The following USP32 variants were observed in gnomAD, a reference collection of about 807,000 sequenced individuals.
USP32 encodes the protein ubiquitin specific peptidase 32, also known as ubiquitin carboxyl-terminal hydrolase 32.
In USP32, 59 loss-of-function variants were observed where a neutral mutation model predicts 204.8. That is an observed-to-expected ratio of 0.29 (90% CI 0.23 to 0.36). The LOEUF is 0.36. Among genes scored for constraint, USP32 ranks in the 10% least tolerant of loss-of-function variants. USP32 has a pLI of 1.00. For synonymous variants in USP32, 517 were observed against 678.4 expected, an observed-to-expected ratio of 0.76 and a Z score of 3.70; for missense variants, 1,160 against 1,946.4, an observed-to-expected ratio of 0.60 and a Z score of 7.60.
chr17:60,295,527 T>A (rs1283649368), intron 3 of USP32, among the ~76,000 whole-genome samples: 1 of 152,220 alleles, frequency 6.6e-6, no homozygotes, highest in African/African-American at 2.4e-5. Flanking sequence ...AATTGCACAC[T>A]GTTCTGAGTA....
chr17:60,294,184 G>C (rs1396405859), intron 4 of USP32, among the ~76,000 whole-genome samples: 1 of 152,160 alleles, frequency 6.6e-6, no homozygotes, highest in African/African-American at 2.4e-5. Context: ...TGGATTACAG[G>C]TGTGAGCCAC....
At chr17:60,309,542 C>T (rs2087805686) in intron 2 of USP32, among the ~76,000 whole-genome samples, 1 of 152,032 alleles carries the variant, frequency 6.6e-6, no homozygotes, top group African/African-American at 2.4e-5. Flanking sequence ...GCCGATGTTG[C>T]AGTGGGCCAA....
chr17:60,405,634 T>C (rs1483501716), intron 1 of USP32, among the ~76,000 whole-genome samples: 2 of 152,108 alleles, frequency 1.3e-5, no homozygotes, highest in Non-Finnish European at 2.9e-5. Context: ...AGTGGCATGT[T>C]GCCTATAGTC....
At chr17:60,374,018 T>C (rs1003023787) in intron 1 of USP32, among the ~76,000 whole-genome samples, 1 of 152,060 alleles carries the variant, frequency 6.6e-6, no homozygotes, top group Non-Finnish European at 1.5e-5. Flanking sequence ...AACCCATCTC[T>C]ACTAAAAATA....
chr17:60,404,717 CATT>C (rs1211151818), intron 1 of USP32, among the ~76,000 whole-genome samples: 5 of 152,190 alleles, frequency 3.3e-5, no homozygotes, highest in African/African-American at 7.2e-5. Flanking sequence ...GAAGAACCAT[CATT>C]GTGTTCCCAG....
At chr17:60,254,940 A>G (rs2086256337) in intron 10 of USP32, among the ~76,000 whole-genome samples, 1 of 152,048 alleles carries the variant, frequency 6.6e-6, no homozygotes, top group Non-Finnish European at 1.5e-5. Context: ...ATGTCTATGT[A>G]CTGCTCTATA....
At chr17:60,418,022 G>A (rs1403439444) in intron 1 of USP32, among the ~76,000 whole-genome samples, 5 of 145,666 alleles carry the variant, frequency 3.4e-5, no homozygotes, top group Admixed American at 2.8e-4. Flanking sequence ...GCAATGGCAC[G>A]ATCTCGGCTC....
chr17:60,276,239 G>A (rs1598181400), intron 5 of USP32, among the ~76,000 whole-genome samples: 1 of 152,074 alleles, frequency 6.6e-6, no homozygotes, highest in East Asian at 1.9e-4. Flanking sequence ...AATAAAAAAT[G>A]TAAAACTCAT....
At position 60,319,572 on chromosome 17, in the gene USP32, G is replaced by C. The variant is rs1425840121; in HGVS notation, c.187-17868C>G. 2.0e-5 allele frequency among the ~76,000 whole-genome samples: 3 copies of C among 152,294 alleles called. No individual in the cohort carries two copies. The South Asian group carries it at 6.2e-4, about 32-fold the overall frequency. On this transcript the variant is annotated intron_variant, in intron 2 of 33. Transcript: ENST00000300896. The stretch of plus-strand genomic sequence containing the variant: ...GCGGGCAGATTGCTTGAGCCCAGGA[G>C]TTTGAGACCAGCCTGGGCAACATGG...
chr17:60,305,381 G>A (rs1343062883), intron 2 of USP32, among the ~76,000 whole-genome samples: 1 of 152,136 alleles, frequency 6.6e-6, no homozygotes, highest in Non-Finnish European at 1.5e-5. Context: ...TGAACTAATA[G>A]AGTGACAGCG....
chr17:60,282,237 A>G (rs1049221716), intron 5 of USP32, among the ~76,000 whole-genome samples: 1 of 152,220 alleles, frequency 6.6e-6, no homozygotes, highest in Non-Finnish European at 1.5e-5. Context: ...TCAATGTTCT[A>G]TATCTGATAT....
chr17:60,401,617 C>T (rs968903037), intron 1 of USP32, among the ~76,000 whole-genome samples: 2 of 151,526 alleles, frequency 1.3e-5, no homozygotes, highest in African/African-American at 2.4e-5. Flanking sequence ...GTGGCTCACA[C>T]CTGTAGTTAT....
chr17:60,327,553 G>T (rs1057057995), intron 2 of USP32, among the ~76,000 whole-genome samples: 2 of 146,338 alleles, frequency 1.4e-5, no homozygotes, highest in African/African-American at 4.9e-5. Flanking sequence ...GAGCAGCACG[G>T]TTGGGCAGGA....
chr17:60,255,035 G>T, intron 10 of USP32, 140 bp downstream of exon 10: 1 of 564,830 alleles, frequency 1.8e-6, no homozygotes, highest in Non-Finnish European at 3.0e-6. Flanking sequence ...TCTTTCAGAC[G>T]AGTAATGTAG....
rs745804131 is a variant in USP32 at position 60,392,104 on chromosome 17, T to TCGCCGC, written c.-171_-166dup. On this transcript the variant is annotated 5_prime_UTR_variant, in exon 1 of 34. Transcript: ENST00000300896. ...CTTCTGCCCCGGCGGCTCCTCCCGG[T>TCGCCGC]CGCCGCCACCGCCTCCATGCCGGAT... The TCGCCGC allele has an allele frequency of 5.7e-3, 3,761 of 655,738 alleles. 23 individuals carry two copies. The highest frequency in any genetic ancestry group is 6.8e-3 in the Non-Finnish European group (2,794 of 410,828). 40.6% of individuals were successfully genotyped at this position (655,738 alleles called of 1,614,324 possible).
In USP32 at chr17:60,262,802, T is replaced by C. The variant is rs534913269; in HGVS notation, c.990+2610A>G. Among the ~76,000 whole-genome samples the C allele has an allele frequency of 4.6e-5, 7 of 152,286 alleles. No individual in the cohort carries two copies. The South Asian group carries it at 1.5e-3, about 32-fold the overall frequency. ...TTCTATTCTACCCCTAGTTGTTACC[T>C]CTTTTAGGAATCACCTTTCAACTTT... On this transcript the variant is annotated intron_variant, in intron 9 of 33. Transcript: ENST00000300896.
chr17:60,214,295 T>C (rs1198543922), intron 17 of USP32, among the ~76,000 whole-genome samples: 3 of 152,200 alleles, frequency 2.0e-5, no homozygotes, highest in African/African-American at 7.2e-5. Flanking sequence ...AATCTTTATA[T>C]GTAACAATAA....
chr17:60,204,504 T>TTCA (rs1567763647), intron 26 of USP32, among the ~76,000 whole-genome samples: 1 of 151,540 alleles, frequency 6.6e-6, no homozygotes, highest in Non-Finnish European at 1.5e-5. Flanking sequence ...AGTCTCACTT[T>TTCA]ATCACCCAGG....
At chr17:60,401,736 A>G (rs1482244941) in intron 1 of USP32, among the ~76,000 whole-genome samples, 4 of 152,140 alleles carry the variant, frequency 2.6e-5, no homozygotes, top group South Asian at 2.1e-4. Flanking sequence ...GAAAAAAAAA[A>G]AAAGAAAGAA....
Sources: gnomAD v4.1 joint callset for allele counts (sites outside exome capture counted in the v4.1 genomes callset) on GRCh38, gnomAD v4.1.1 for gene constraint, MANE v1.5 for transcripts, NCBI Gene and HGNC (gene_info 2026-07-23, HGNC 2026-07-21) for gene names.